The following PCDHA11 variants were observed in gnomAD, a reference collection of about 807,000 sequenced individuals.
PCDHA11 encodes the protein protocadherin alpha 11, also known as protocadherin alpha-11.
Under a neutral mutation model 70.3 loss-of-function variants are expected in PCDHA11, and 61 were observed. The observed-to-expected ratio is 0.87, with a 90% CI of 0.71 to 1.07. The LOEUF is 1.07. PCDHA11 is among the 50% of genes least tolerant of loss of function. PCDHA11 has a pLI of 0.00. For missense variants in PCDHA11, 1,324 were observed against 1,237.5 expected (o/e 1.07, Z -1.05); for synonymous variants, 633 against 555.1 (o/e 1.14, Z -1.97).
rs781837708 is a variant in PCDHA11, at chr5:140,875,917, GAC to G, written c.2391+4424_2391+4425del. On this transcript the variant is annotated intron_variant, in intron 1 of 3. Coordinates refer to ENST00000398640, the MANE Select transcript of PCDHA11 (RefSeq NM_018902.5). Reference sequence around the variant, plus strand: ...ACCTGTTTCTGAATCTGCGCCTCTGGACTCTCATTTTCCTCTAGAGGGCGCTT... The same window carrying G: ...ACCTGTTTCTGAATCTGCGCCTCTGGTCTCATTTTCCTCTAGAGGGCGCTT... 20 of 1,614,146 alleles carry G rather than the reference GAC, an allele frequency of 1.2e-5. 1 individual carries two copies. In the South Asian group the frequency reaches 2.1e-4, roughly 17 times the overall value.
In PCDHA11 at chr5:140,877,149, C is replaced by G. The variant is rs2056888845; in HGVS notation, c.2391+5655C>G. The G allele has an allele frequency of 2.5e-6, 4 of 1,613,648 alleles. No individual in the cohort carries two copies. The highest frequency in any genetic ancestry group is 1.1e-5 in the South Asian group (1 of 91,078). On this transcript the variant is annotated intron_variant, in intron 1 of 3. Coordinates refer to ENST00000398640, the MANE Select transcript of PCDHA11 (RefSeq NM_018902.5). ...TGCAGGTGTTCGTGCTGGACGAGAA[C>G]GACAACGCGCCGGCACTGCTGGCGA... is the stretch of plus-strand genomic sequence containing the variant.
At chr5:140,956,717 A>C (rs2153710827) in intron 1 of PCDHA11, among the ~76,000 whole-genome samples, 1 of 152,308 alleles carries the variant, frequency 6.6e-6, no homozygotes. Flanking sequence ...CTTCAGAAGA[A>C]TTGGTACCAG....
intron 1 of PCDHA11, among the ~76,000 whole-genome samples, chr5:140,974,081 C>T (rs1432185201): frequency 6.6e-6 from 1 of 152,196 alleles, no homozygotes; most frequent in African/African-American, 2.4e-5. Context: ...ATAACCATGA[C>T]TTCAAAAATC....
chr5:140,967,084 TC>T, intron 1 of PCDHA11: 2 of 1,613,270 alleles, frequency 1.2e-6, no homozygotes, highest in African/African-American at 2.7e-5. Flanking sequence ...AGCGCATTGA[TC>T]GGGAGGCGCT....
At chr5:140,978,795 G>T in intron 1 of PCDHA11, 154 bp from the exon 2 acceptor site, 1 of 979,238 alleles carries the variant, frequency 1.0e-6, no homozygotes, top group Non-Finnish European at 1.2e-6. Flanking sequence ...TGCTATATAT[G>T]TAGATATCAT....
At chr5:140,892,803 A>T (rs1554185373) in intron 1 of PCDHA11, among the ~76,000 whole-genome samples, 1 of 152,174 alleles carries the variant, frequency 6.6e-6, no homozygotes. Context: ...ATTATAGTTA[A>T]CCATATTTAT....
At chr5:140,992,282 TG>T (rs1554252798) in intron 3 of PCDHA11, among the ~76,000 whole-genome samples, 1 of 152,178 alleles carries the variant, frequency 6.6e-6, no homozygotes, top group African/African-American at 2.4e-5. Context: ...AGCACATCCC[TG>T]CAAAGGATGG....
intron 3 of PCDHA11, among the ~76,000 whole-genome samples, chr5:140,998,588 G>A (rs1315091552): frequency 6.7e-6 from 1 of 148,536 alleles, no homozygotes; most frequent in African/African-American, 2.5e-5. Context: ...TTTTGAGACA[G>A]AGTTTTGCTC....
chr5:140,968,682 C>T, intron 1 of PCDHA11: 1 of 1,614,128 alleles, frequency 6.2e-7, no homozygotes, highest in Non-Finnish European at 8.5e-7. Flanking sequence ...GAGCTGCACA[C>T]AGGAGAAATT....
At chr5:140,967,435 C>T (rs949116832) in intron 1 of PCDHA11, 1 of 1,613,532 alleles carries the variant, frequency 6.2e-7, no homozygotes, top group Non-Finnish European at 8.5e-7. Flanking sequence ...CAGCCTTGCA[C>T]CACCTGGTTC....
intron 3 of PCDHA11, among the ~76,000 whole-genome samples, chr5:140,991,912 A>G (rs1022060256): frequency 1.3e-5 from 2 of 152,150 alleles, no homozygotes; most frequent in Non-Finnish European, 2.9e-5. Context: ...CCCTTTTGCC[A>G]TGTAACATAA....
chr5:140,884,285 G>A, intron 1 of PCDHA11: 1 of 1,613,598 alleles, frequency 6.2e-7, no homozygotes. Flanking sequence ...GGTGGAGAGC[G>A]GCCAAGCGCC....
rs535420158 is a variant in PCDHA11, at chr5:140,966,438, T to TC, written c.2392-12508dup. Reference sequence around the variant, plus strand: ...AGGACTTGCTGAGCCCTCCTACCGCTCCCTTTCCCCCTCCCCCTCTGTCTT... The same window carrying TC: ...AGGACTTGCTGAGCCCTCCTACCGCTCCCCTTTCCCCCTCCCCCTCTGTCTT... On this transcript the variant is annotated intron_variant, in intron 1 of 3. Transcript: ENST00000398640. 1.4e-5 allele frequency: 6 copies of TC among 422,688 alleles called. No homozygotes were observed. The East Asian group carries it at 1.4e-4, about 10-fold the overall frequency. 26.2% of individuals were successfully genotyped at this position (422,688 alleles called of 1,614,324 possible).
At chr5:141,003,938 G>A (rs1195315346) in intron 3 of PCDHA11, among the ~76,000 whole-genome samples, 1 of 152,178 alleles carries the variant, frequency 6.6e-6, no homozygotes, top group Non-Finnish European at 1.5e-5. Flanking sequence ...GTCTTTGCCT[G>A]AGGGTGAGCT....
intron 1 of PCDHA11, among the ~76,000 whole-genome samples, chr5:140,937,867 G>A (rs1009502911): frequency 7.9e-5 from 12 of 151,142 alleles, no homozygotes; most frequent in African/African-American, 1.2e-4. Flanking sequence ...AGCCGAGATC[G>A]CGCCACTGCA....
At chr5:140,926,861 G>T in intron 1 of PCDHA11, 1 of 1,522,578 alleles carries the variant, frequency 6.6e-7, no homozygotes, top group Non-Finnish European at 8.8e-7. Flanking sequence ...TTGGTGTAGC[G>T]TGTTGGTGGA....
intron 1 of PCDHA11, among the ~76,000 whole-genome samples, chr5:140,953,085 A>G (rs1197965470): frequency 2.0e-5 from 3 of 152,246 alleles, no homozygotes; most frequent in African/African-American, 4.8e-5. Flanking sequence ...ATTGGGGATT[A>G]CAATTTGACA....
At chr5:140,982,234 A>C (rs1039012011) in intron 2 of PCDHA11, 1 of 643,856 alleles carries the variant, frequency 1.6e-6, no homozygotes. Flanking sequence ...AAAAAACAGA[A>C]TTGCCATAAA....
intron 1 of PCDHA11, among the ~76,000 whole-genome samples, chr5:140,880,084 T>C (rs1554171167): frequency 6.6e-6 from 1 of 152,208 alleles, no homozygotes. Context: ...CAACCTATTA[T>C]AGTAGGCTTA....
Sources: allele counts gnomAD v4.1 joint callset (sites outside exome capture counted in the v4.1 genomes callset), GRCh38; gene constraint gnomAD v4.1.1; transcripts MANE v1.5; gene names NCBI Gene and HGNC (gene_info 2026-07-23, HGNC 2026-07-21).